Variants in PDZD2 observed in about 807,000 individuals in gnomAD.
PDZD2 encodes the protein PDZ domain-containing protein 2.
In PDZD2, 90 loss-of-function variants were observed where a neutral mutation model predicts 220.7. The observed-to-expected ratio is 0.41, with a 90% CI of 0.34 to 0.49. The LOEUF (loss-of-function observed/expected upper bound fraction) is 0.49, where lower values mean the gene tolerates loss of function less well. PDZD2 is among the 20% of genes least tolerant of loss of function. The pLI, the probability that PDZD2 is intolerant of heterozygous loss-of-function variation, is 0.28. For synonymous variants in PDZD2, 1,375 were observed against 1,450.5 expected, an observed-to-expected ratio of 0.95 and a Z score of 1.18; for missense variants, 3,174 against 3,608.5, an observed-to-expected ratio of 0.88 and a Z score of 3.08.
At chr5:31,688,723 G>A (rs914584540) in intron 1 of PDZD2, among the ~76,000 whole-genome samples, 17 of 152,240 alleles carry the variant, frequency 1.1e-4, no homozygotes, top group African/African-American at 2.4e-4. Flanking sequence ...TACCTCCTGC[G>A]TCCCCTCCCT....
Position 32,097,345 on chromosome 5 carries a change from G to A in PDZD2, c.7912G>A (p.Ala2638Thr), listed in dbSNP as rs748540742. 3.1e-6 allele frequency: 5 copies of A among 1,612,786 alleles called. No individual in the cohort carries two copies. In the Admixed American group the frequency reaches 8.3e-5, roughly 27 times the overall value. Reference protein sequence around the residue: ...KEGSGLGFSVAGGTDVEPKSI... With the variant: ...KEGSGLGFSVTGGTDVEPKSI... Reference sequence around the variant, plus strand: ...AGGCTCAGGTCTGGGATTCAGTGTGGCAGGAGGGACAGATGTGGAGCCAAA... The same window carrying A: ...AGGCTCAGGTCTGGGATTCAGTGTGACAGGAGGGACAGATGTGGAGCCAAA... The change falls in exon 22 of 25, where the codon GCA (alanine) becomes ACA (threonine). Residue 2638 changes from alanine (A) to threonine (T), a missense_variant. Physicochemically the swap from Ala to Thr is moderately conservative, Grantham distance 58 (BLOSUM62 0). This residue lies in a region of PDZD2 where 631 missense variants were observed against 789.9 expected (regional missense o/e 0.80). Coordinates refer to ENST00000438447, the MANE Select transcript of PDZD2 (RefSeq NM_178140.4).
intron 2 of PDZD2, among the ~76,000 whole-genome samples, chr5:31,814,360 G>T (rs1318762413): frequency 6.6e-6 from 1 of 152,098 alleles, no homozygotes; most frequent in South Asian, 2.1e-4. Flanking sequence ...AATCTCAAAA[G>T]GTCCTGAAAA....
intron 1 of PDZD2, among the ~76,000 whole-genome samples, chr5:31,737,507 G>A (rs1749980959): frequency 6.6e-6 from 1 of 152,154 alleles, no homozygotes. Context: ...AGGATCTGAG[G>A]CCAGTCCTGC....
At chr5:32,103,279 A>C (rs941498446) in intron 24 of PDZD2, among the ~76,000 whole-genome samples, 4 of 152,170 alleles carry the variant, frequency 2.6e-5, no homozygotes, top group African/African-American at 7.2e-5. Flanking sequence ...CTTGTTAGGC[A>C]GAGTGGTGCA....
chr5:31,863,808 T>C (rs1261270654), intron 2 of PDZD2, among the ~76,000 whole-genome samples: 1 of 152,232 alleles, frequency 6.6e-6, no homozygotes, highest in Non-Finnish European at 1.5e-5. Context: ...ATCTGAGATA[T>C]GCTAGAAGAC....
Position 32,083,171 on chromosome 5 carries a change from T to A in PDZD2, c.3683-3960T>A, listed in dbSNP as rs1742125320. On this transcript the variant is annotated intron_variant, in intron 19 of 24. Transcript: ENST00000438447. The surrounding 1 kb of genome is among the most constrained non-coding windows in gnomAD (Gnocchi z 4.1). ...TATATGGGTGTGAATAAATATATAG[T>A]CCTGTGCTTTTTTTGTCTTTTTGCC... Among the ~76,000 whole-genome samples the A allele has an allele frequency of 6.7e-6, 1 of 149,490 alleles. No individual in the cohort carries two copies. The highest frequency in any genetic ancestry group is 1.5e-5 in the Non-Finnish European group (1 of 67,722).
At chr5:31,778,330 T>C (rs1561452452) in intron 1 of PDZD2, among the ~76,000 whole-genome samples, 1 of 152,172 alleles carries the variant, frequency 6.6e-6, no homozygotes, top group East Asian at 1.9e-4. Context: ...CGGGTCCCCT[T>C]CCACACTGTG....
At chr5:31,905,436 T>C (rs12518733) in intron 2 of PDZD2, among the ~76,000 whole-genome samples, 29,469 of 152,188 alleles carry the variant, frequency 0.19, 2,959 homozygotes, top group African/African-American at 0.25. Flanking sequence ...CTGAGGATGC[T>C]GGGGTTGCTT....
intron 1 of PDZD2, among the ~76,000 whole-genome samples, chr5:31,701,246 G>C (rs1356108585): frequency 6.6e-6 from 1 of 152,042 alleles, no homozygotes; most frequent in Non-Finnish European, 1.5e-5. Context: ...ACCCAGGCTG[G>C]GGTGCAGTAG....
At chr5:31,837,743 C>T (rs543754591) in intron 2 of PDZD2, among the ~76,000 whole-genome samples, 26 of 151,786 alleles carry the variant, frequency 1.7e-4, no homozygotes, top group Non-Finnish European at 3.5e-4. Flanking sequence ...AAAAATTAGC[C>T]GGGCATGATG....
intron 2 of PDZD2, among the ~76,000 whole-genome samples, chr5:31,857,829 TTTTA>T (rs200973866): frequency 7.9e-5 from 12 of 152,078 alleles, no homozygotes; most frequent in African/African-American, 2.7e-4. Flanking sequence ...GTATTTTTAT[TTTTA>T]TTTATTTATT....
intron 2 of PDZD2, among the ~76,000 whole-genome samples, chr5:31,829,420 C>G (rs1412815730): frequency 1.3e-5 from 2 of 151,828 alleles, no homozygotes; most frequent in Non-Finnish European, 2.9e-5. Context: ...CTCTACCTCC[C>G]AGGTGCAAGC....
chr5:31,919,805 G>A (rs1437652897), intron 2 of PDZD2, among the ~76,000 whole-genome samples: 1 of 149,870 alleles, frequency 6.7e-6, no homozygotes, highest in Non-Finnish European at 1.5e-5. Flanking sequence ...TTGAGGCCAG[G>A]AGTTTGAGAC....
At chr5:31,671,852 T>C (rs1298903680) in intron 1 of PDZD2, among the ~76,000 whole-genome samples, 2 of 152,166 alleles carry the variant, frequency 1.3e-5, no homozygotes, top group Non-Finnish European at 2.9e-5. Context: ...AGCTTTGCAT[T>C]TAAAGGGCTT....
intron 7 of PDZD2, among the ~76,000 whole-genome samples, chr5:32,043,622 A>G (rs891970892): frequency 6.6e-6 from 1 of 151,980 alleles, no homozygotes; most frequent in Non-Finnish European, 1.5e-5. Flanking sequence ...TACCACTGTC[A>G]TTTTCTTTTT....
rs763410306 is a variant in PDZD2, at chr5:31,727,303, TG to T, written c.-360-71585del. Among the ~76,000 whole-genome samples the T allele has an allele frequency of 3.9e-5, 6 of 152,350 alleles. No individual in the cohort carries two copies. The East Asian group carries it at 1.2e-3, about 29-fold the overall frequency. On this transcript the variant is annotated intron_variant, in intron 1 of 24. Transcript: ENST00000438447. ...ACTGTATTTCTTCATCTTGGTGAGA[TG>T]CCTTTTGGGCCACTGTGAGAGTGGG...
intron 1 of PDZD2, among the ~76,000 whole-genome samples, chr5:31,786,982 A>T (rs1294565834): frequency 1.3e-5 from 2 of 152,118 alleles, no homozygotes. Context: ...TCCTGTTTTT[A>T]AAAAAAATCA....
intron 6 of PDZD2, among the ~76,000 whole-genome samples, chr5:32,011,021 AACAAC>A (rs1383975656): frequency 6.3e-5 from 9 of 141,766 alleles, no homozygotes; most frequent in African/African-American, 2.1e-4. Flanking sequence ...AAAAAAAAAA[AACAAC>A]AACAACAACA....
At chr5:31,932,943 T>C (rs949106822) in intron 2 of PDZD2, among the ~76,000 whole-genome samples, 2 of 151,828 alleles carry the variant, frequency 1.3e-5, no homozygotes, top group African/African-American at 4.8e-5. Flanking sequence ...AGAGTTTCGC[T>C]CTTGTTGCCC....
Sources: gnomAD v4.1 joint callset for allele counts (sites outside exome capture counted in the v4.1 genomes callset) on GRCh38, gnomAD v4.1.1 for gene constraint, gnomAD v4.1.1 regional missense constraint, Gnocchi (gnomAD v3.1) non-coding constraint, MANE v1.5 for transcripts, NCBI Gene and HGNC (gene_info 2026-07-23, HGNC 2026-07-21) for gene names.